CDYL2: variants seen among roughly 807,000 people sequenced by gnomAD.
CDYL2 encodes the protein chromodomain Y-like protein 2.
CDYL2 carries 23 observed loss-of-function variants against 49.4 expected under a neutral mutation model. That is an observed-to-expected ratio of 0.47 (90% CI 0.34 to 0.66). The LOEUF is 0.66. CDYL2 is among the 30% of genes least tolerant of loss of function. The pLI, the probability that CDYL2 is intolerant of heterozygous loss-of-function variation, is 0.01. For synonymous variants in CDYL2, 360 were observed against 268.8 expected, an observed-to-expected ratio of 1.34 and a Z score of -3.32; for missense variants, 678 against 656.4, an observed-to-expected ratio of 1.03 and a Z score of -0.36.
At chr16:80,638,904 T>C (rs1237877931) in intron 2 of CDYL2, among the ~76,000 whole-genome samples, 1 of 151,938 alleles carries the variant, frequency 6.6e-6, no homozygotes, top group African/African-American at 2.4e-5. Flanking sequence ...GGAGAAACCC[T>C]AGGGAACTTG....
intron 1 of CDYL2, among the ~76,000 whole-genome samples, chr16:80,724,657 C>A (rs756716389): frequency 5.9e-5 from 9 of 152,188 alleles, no homozygotes; most frequent in Non-Finnish European, 1.3e-4. Context: ...TACATATACA[C>A]ACATGCATTT....
At chr16:80,745,559 G>C (rs1047552692) in intron 1 of CDYL2, among the ~76,000 whole-genome samples, 3 of 152,110 alleles carry the variant, frequency 2.0e-5, no homozygotes, top group Non-Finnish European at 4.4e-5. Flanking sequence ...GTTGGTGTGA[G>C]GATTAAAACA....
chr16:80,752,815 G>A (rs988314524), intron 1 of CDYL2, among the ~76,000 whole-genome samples: 1 of 152,204 alleles, frequency 6.6e-6, no homozygotes, highest in Admixed American at 6.5e-5. Context: ...ATCACTGAAT[G>A]TAGAGATGGA....
At chr16:80,702,551 ACCAT>A (rs1904307749) in intron 1 of CDYL2, among the ~76,000 whole-genome samples, 1 of 152,118 alleles carries the variant, frequency 6.6e-6, no homozygotes, top group Non-Finnish European at 1.5e-5. Flanking sequence ...GGAGTTTCAG[ACCAT>A]CCTGCGCAAC....
intron 2 of CDYL2, among the ~76,000 whole-genome samples, chr16:80,680,586 C>T (rs919930957): frequency 2.0e-5 from 3 of 152,086 alleles, no homozygotes; most frequent in Non-Finnish European, 2.9e-5. Context: ...TTTTCTGTAC[C>T]GATGAAACTC....
In CDYL2 at chr16:80,664,126, C is replaced by G. The variant is rs989264159; in HGVS notation, c.616+20412G>C. On this transcript the variant is annotated intron_variant, in intron 2 of 6. Transcript: ENST00000570137. ...AATTCATTTTTATCACCTTTTCTTG[C>G]AACTCCCCTGCTCAAAAGTTCACAT... is the stretch of plus-strand genomic sequence containing the variant. Among the ~76,000 whole-genome samples, 12 of 152,220 alleles carry G rather than the reference C, an allele frequency of 7.9e-5. No individual in the cohort carries two copies. The South Asian group carries it at 2.5e-3, about 32-fold the overall frequency.
chr16:80,715,612 G>C (rs1007902586), intron 1 of CDYL2, among the ~76,000 whole-genome samples: 4 of 152,080 alleles, frequency 2.6e-5, no homozygotes, highest in African/African-American at 9.7e-5. Context: ...TGCCTCCAGA[G>C]GAATTTTTTT....
At chr16:80,731,594 G>A (rs1905328441) in intron 1 of CDYL2, among the ~76,000 whole-genome samples, 1 of 152,108 alleles carries the variant, frequency 6.6e-6, no homozygotes, top group Admixed American at 6.5e-5. Flanking sequence ...GAAATCTTCT[G>A]GAGAGCAAAA....
intron 1 of CDYL2, among the ~76,000 whole-genome samples, chr16:80,700,972 G>C (rs1904297412): frequency 6.6e-6 from 1 of 152,334 alleles, no homozygotes. Flanking sequence ...CAGCAGCCTG[G>C]GTCTCTGAGG....
At chr16:80,621,972 A>C (rs144611079) in intron 3 of CDYL2, among the ~76,000 whole-genome samples, 4 of 152,146 alleles carry the variant, frequency 2.6e-5, no homozygotes, top group Non-Finnish European at 4.4e-5. Context: ...AGCCTCCCCA[A>C]CACCAGTGAG....
intron 1 of CDYL2, among the ~76,000 whole-genome samples, chr16:80,706,939 C>A (rs1281820719): frequency 1.3e-5 from 2 of 152,088 alleles, no homozygotes; most frequent in East Asian, 3.9e-4. Flanking sequence ...TGTCTGCCTG[C>A]CCATAAAATA....
chr16:80,731,840 C>T (rs1905336208), intron 1 of CDYL2, among the ~76,000 whole-genome samples: 4 of 151,842 alleles, frequency 2.6e-5, no homozygotes, highest in African/African-American at 7.3e-5. Flanking sequence ...TGAGGATGTG[C>T]TCCACCATAA....
rs1363902472 is a variant in CDYL2, at chr16:80,601,033, A to G, written c.*3355T>C. The G allele has an allele frequency of 6.6e-6, 1 of 152,210 alleles. No individual in the cohort carries two copies. The highest frequency in any genetic ancestry group is 6.5e-5 in the Admixed American group (1 of 15,282). The allele number at this position is 152,210 out of a possible 1,614,324, so 9.4% of individuals were successfully genotyped here. A position where few individuals can be genotyped will look rare whatever the true frequency, so the allele number is the denominator to read the frequency against. On this transcript the variant is annotated 3_prime_UTR_variant, in exon 7 of 7. Transcript: ENST00000570137. ...TGATATTTTAAATCAATTCTCTACTACTTTCTCATAGCTATCCAATGTCAT... is the reference window on the plus strand; with the variant it reads ...TGATATTTTAAATCAATTCTCTACTGCTTTCTCATAGCTATCCAATGTCAT...
chr16:80,728,803 T>G (rs1394646846), intron 1 of CDYL2, among the ~76,000 whole-genome samples: 2 of 151,984 alleles, frequency 1.3e-5, no homozygotes, highest in Non-Finnish European at 2.9e-5. Flanking sequence ...TATTCAACAT[T>G]CTTAAAGAAA....
At chr16:80,636,468 C>T (rs28792976) in intron 2 of CDYL2, among the ~76,000 whole-genome samples, 21,302 of 152,080 alleles carry the variant, frequency 0.14, 1,757 homozygotes, top group African/African-American at 0.22. Flanking sequence ...TCATCATCAC[C>T]GGTCATTACA....
chr16:80,657,813 A>T (rs1419932623), intron 2 of CDYL2, among the ~76,000 whole-genome samples: 1 of 152,132 alleles, frequency 6.6e-6, no homozygotes, highest in Non-Finnish European at 1.5e-5. Context: ...TTTAACAGGA[A>T]AACTGTACTT....
chr16:80,775,624 A>G (rs959719278), intron 1 of CDYL2, among the ~76,000 whole-genome samples: 3 of 151,928 alleles, frequency 2.0e-5, no homozygotes, highest in African/African-American at 7.2e-5. Context: ...GAAAGGAAAA[A>G]AGGAAAGAAT....
intron 2 of CDYL2, among the ~76,000 whole-genome samples, chr16:80,646,892 G>GAAA (rs58154796): frequency 7.0e-6 from 1 of 143,660 alleles, no homozygotes; most frequent in Non-Finnish European, 1.5e-5. Context: ...CAAATAGACT[G>GAAA]AAAAAAAAAA....
In CDYL2 at chr16:80,761,166, T is replaced by A. The variant is rs57134839; in HGVS notation, c.24+42984A>T. On this transcript the variant is annotated intron_variant, in intron 1 of 6. Coordinates refer to ENST00000570137, the MANE Select transcript of CDYL2 (RefSeq NM_152342.4). ...TTCTCAGGCCCCACCAGGGACCTACTGAATCAGAAACTCAGCAGGTGAAGC... is the reference window on the plus strand; with the variant it reads ...TTCTCAGGCCCCACCAGGGACCTACAGAATCAGAAACTCAGCAGGTGAAGC... Among the ~76,000 whole-genome samples, 394 of 152,240 alleles carry A rather than the reference T, an allele frequency of 2.6e-3. 1 individual carries two copies. Among genetic ancestry groups the A allele is most frequent in the African/African-American group, 9.0e-3 (373 of 41,532 alleles).
Sources: gnomAD v4.1 joint callset for allele counts (sites outside exome capture counted in the v4.1 genomes callset) on GRCh38, gnomAD v4.1.1 for gene constraint, MANE v1.5 for transcripts, NCBI Gene and HGNC (gene_info 2026-07-23, HGNC 2026-07-21) for gene names.